ANKRD18A: variants seen among roughly 807,000 people sequenced by gnomAD.
ANKRD18A encodes the protein ankyrin repeat domain-containing protein 18A.
Under a neutral mutation model 110.6 loss-of-function variants are expected in ANKRD18A, and 72 were observed. The observed-to-expected ratio is 0.65, with a 90% confidence interval of 0.54 to 0.79. The LOEUF (loss-of-function observed/expected upper bound fraction) is 0.79. Among genes scored for constraint, ANKRD18A ranks in the 30% least tolerant of loss-of-function variants. The probability of loss-of-function intolerance (pLI) is 0.00; values close to 1 mark genes in which losing one functional copy is unlikely to be tolerated. For synonymous variants in ANKRD18A, 305 were observed against 410.3 expected, an observed-to-expected ratio of 0.74 and a Z score of 3.10; for missense variants, 934 against 1,163.3, an observed-to-expected ratio of 0.80 and a Z score of 2.87.
At chr9:38,586,151 C>T (rs2118715124) in intron 12 of ANKRD18A, 32 bp downstream of exon 12, 2 of 1,552,482 alleles carry the variant, frequency 1.3e-6, no homozygotes, top group East Asian at 4.8e-5. Context: ...TAATCTAGAC[C>T]TTAAGATAAA....
At position 38,572,177 on chromosome 9, in the gene ANKRD18A, C is replaced by T. The variant is rs191568166; in HGVS notation, c.2965-118G>A. On this transcript the variant is annotated intron_variant, in intron 15 of 15. Coordinates refer to ENST00000399703, the MANE Select transcript of ANKRD18A (RefSeq NM_147195.4). ...AGTTAATAAGAATGAGAAATATGTA[C>T]GTGCAATTACAATACAAAATTACTA... 395 of 660,208 alleles carry T rather than the reference C, an allele frequency of 6.0e-4. 2 individuals carry two copies. The African/African-American group carries it at 6.6e-3, about 11-fold the overall frequency. 40.9% of individuals were successfully genotyped at this position (660,208 alleles called of 1,614,324 possible).
At chr9:38,615,417 A>G (rs577189329) in intron 3 of ANKRD18A, among the ~76,000 whole-genome samples, 177 bp downstream of exon 3, 17 of 152,236 alleles carry the variant, frequency 1.1e-4, no homozygotes, top group Non-Finnish European at 2.2e-4. Context: ...ACGTGCACTA[A>G]AATAGCTGTG....
Position 38,577,938 on chromosome 9 carries a change from G to T in ANKRD18A, c.2458C>A (p.Gln820Lys). Residue 820 changes from glutamine (Q) to lysine (K), a missense_variant, in exon 13 of 16, where the codon CAA becomes AAA. This residue lies in a region of ANKRD18A where 223 missense variants were observed against 226.7 expected (regional missense o/e 0.98). Transcript: ENST00000399703. The part of the protein sequence containing the change: ...EKDMVELGKL[Q>K]EYKSELDERA... ...TCATCCAGCTCCGATTTATATTCTT[G>T]TAGTTTACCAAGTTCTACCATATCT... 1 of 1,593,848 alleles carries T rather than the reference G, an allele frequency of 6.3e-7. No homozygotes were observed. The highest frequency in any genetic ancestry group is 1.4e-5 in the African/African-American group (1 of 74,050).
At chr9:38,601,281 C>T (rs1000224278) in intron 7 of ANKRD18A, 77 bp from the exon 8 acceptor site, 2 of 1,304,802 alleles carry the variant, frequency 1.5e-6, no homozygotes, top group Non-Finnish European at 2.1e-6. Flanking sequence ...CAGAACAACA[C>T]ACACTTTTAT....
rs1587498461 is a variant in ANKRD18A, at chr9:38,586,067, G to A, written c.2247+116C>T. ...TGCCTACGGGGCTTAATACCTAGGT[G>A]ATGCATTGATACGTGCAGCAAACCA... On this transcript the variant is annotated intron_variant, in intron 12 of 15. Transcript: ENST00000399703. The A allele has an allele frequency of 4.4e-6, 5 of 1,130,608 alleles. No individual in the cohort carries two copies. The Admixed American group carries it at 1.1e-4, about 26-fold the overall frequency. 70.0% of individuals were successfully genotyped at this position (1,130,608 alleles called of 1,614,324 possible).
intron 15 of ANKRD18A, chr9:38,572,857 C>A (rs995331654): frequency 1.2e-5 from 3 of 242,944 alleles, no homozygotes; most frequent in African/African-American, 2.2e-5. Flanking sequence ...AGAGATGGAT[C>A]CACTTCTTGG....
At chr9:38,609,089 A>G (rs1825484383) in intron 5 of ANKRD18A, among the ~76,000 whole-genome samples, 1 of 152,194 alleles carries the variant, frequency 6.6e-6, no homozygotes, top group African/African-American at 2.4e-5. Context: ...GGGAAGGTCA[A>G]CTTACTCACT....
At chr9:38,571,221 T>G (rs749306002), downstream of ANKRD18A, 1 of 1,237,146 alleles carries the variant, frequency 8.1e-7, no homozygotes, top group South Asian at 1.4e-5. Context: ...AGAAAATACA[T>G]TAGTTTAGAA....
chr9:38,593,608 TGAA>T (rs1824748062), intron 10 of ANKRD18A, among the ~76,000 whole-genome samples, 149 bp downstream of exon 10: 1 of 152,218 alleles, frequency 6.6e-6, no homozygotes, highest in Non-Finnish European at 1.5e-5. Flanking sequence ...GAGCCAGAGT[TGAA>T]GAAGTACGTT....
downstream of ANKRD18A, chr9:38,571,053 G>A: frequency 1.4e-6 from 2 of 1,419,074 alleles, no homozygotes; most frequent in Non-Finnish European, 9.2e-7. Flanking sequence ...GAACCCTTGA[G>A]GCTGAGCCAG....
intron 12 of ANKRD18A, among the ~76,000 whole-genome samples, chr9:38,580,166 A>T (rs989336129): frequency 6.6e-6 from 1 of 152,230 alleles, no homozygotes; most frequent in African/African-American, 2.4e-5. Flanking sequence ...AGCACTTTGA[A>T]AGACCGAGGC....
At chr9:38,571,166 G>A (rs2015076), downstream of ANKRD18A, 42,393 of 1,533,984 alleles carry the variant, frequency 0.028, 858 homozygotes, top group African/African-American at 0.097. Context: ...ACTAGTGAGC[G>A]CATGATGGGA....
intron 6 of ANKRD18A, among the ~76,000 whole-genome samples, chr9:38,606,725 A>T (rs1218410463): frequency 3.9e-5 from 6 of 152,232 alleles, no homozygotes; most frequent in Non-Finnish European, 7.3e-5. Flanking sequence ...ATTAATATTT[A>T]GTTACTAAAT....
downstream of ANKRD18A, chr9:38,567,220 G>T (rs534190144): frequency 2.0e-5 from 3 of 152,096 alleles, no homozygotes; most frequent in Non-Finnish European, 4.4e-5. Context: ...CTATTCTATC[G>T]CCATATTAAC....
intron 12 of ANKRD18A, 147 bp from the exon 13 acceptor site, chr9:38,578,295 A>C (rs959032739): frequency 2.7e-5 from 21 of 773,580 alleles, no homozygotes; most frequent in Non-Finnish European, 3.6e-5. Context: ...CCCTTAAATT[A>C]CTCAGAATTT....
intron 10 of ANKRD18A, among the ~76,000 whole-genome samples, chr9:38,593,307 T>C (rs1824735699): frequency 6.6e-6 from 1 of 152,206 alleles, no homozygotes; most frequent in African/African-American, 2.4e-5. Flanking sequence ...AACAGTATGA[T>C]GGCCTTTCTG....
At chr9:38,594,137 G>A (rs10814722) in intron 9 of ANKRD18A, among the ~76,000 whole-genome samples, 44,384 of 151,954 alleles carry the variant, frequency 0.29, 6,765 homozygotes, top group East Asian at 0.45. Context: ...GATCCAGCCC[G>A]CTATTCACTC....
chr9:38,605,532 T>C (rs1297199022), intron 6 of ANKRD18A, among the ~76,000 whole-genome samples: 3 of 152,194 alleles, frequency 2.0e-5, no homozygotes, highest in African/African-American at 7.2e-5. Context: ...TTGTGAACCA[T>C]TTTTATAATT....
downstream of ANKRD18A, chr9:38,569,384 G>A: frequency 1.0e-6 from 1 of 985,400 alleles, no homozygotes; most frequent in Non-Finnish European, 1.2e-6. Context: ...GAAGAGAAGA[G>A]AGCAGGTCCC....
Sources: allele counts gnomAD v4.1 joint callset (sites outside exome capture counted in the v4.1 genomes callset), GRCh38; gene constraint gnomAD v4.1.1; regional missense constraint gnomAD v4.1.1; transcripts MANE v1.5; gene names NCBI Gene and HGNC (gene_info 2026-07-23, HGNC 2026-07-21).